Variants in OSBPL3 observed in about 807,000 individuals in gnomAD.
OSBPL3 encodes the protein oxysterol binding protein like 3.
Under a neutral mutation model 120.1 loss-of-function variants are expected in OSBPL3, and 65 were observed. The observed-to-expected ratio is 0.54, with a 90% CI of 0.44 to 0.67. OSBPL3 has a LOEUF of 0.67. OSBPL3 is among the 30% of genes least tolerant of loss of function. OSBPL3 has a pLI of 0.00. For synonymous variants in OSBPL3, 416 were observed against 402.6 expected, an observed-to-expected ratio of 1.03 and a Z score of -0.40; for missense variants, 1,004 against 1,082.1, an observed-to-expected ratio of 0.93 and a Z score of 1.01.
At chr7:24,893,629 T>C (rs572938754) in intron 1 of OSBPL3, among the ~76,000 whole-genome samples, 59 of 151,918 alleles carry the variant, frequency 3.9e-4, no homozygotes, top group Non-Finnish European at 7.1e-4. Context: ...CTGGCCAACA[T>C]GGTGAAACTC....
intron 19 of OSBPL3, 133 bp from the exon 20 acceptor site, chr7:24,810,084 G>A (rs896043185): frequency 7.5e-6 from 7 of 930,382 alleles, no homozygotes; most frequent in Non-Finnish European, 1.1e-5. Flanking sequence ...TGCTAGTTCT[G>A]GGTTCCGTTT....
chr7:24,910,605 C>T (rs1808678118), intron 1 of OSBPL3, among the ~76,000 whole-genome samples: 1 of 152,212 alleles, frequency 6.6e-6, no homozygotes, highest in Non-Finnish European at 1.5e-5. Context: ...AACTAAGTGA[C>T]AGAAACTTAA....
At position 24,871,737 on chromosome 7, in the gene OSBPL3, C is replaced by T; in HGVS notation, c.267+5G>A. ...ATACCACAGTGGGCCCACAAAAAGA[C>T]TTACATCGGTTTGGCTCTTGGCATA... On this transcript the variant is annotated splice_donor_5th_base_variant and intron_variant, in intron 4 of 22. Transcript: ENST00000313367. The surrounding 1 kb of genome is among the most constrained non-coding windows in gnomAD (Gnocchi z 4.8). 3 of 1,610,594 alleles carry T rather than the reference C, an allele frequency of 1.9e-6. No homozygotes were observed. The highest frequency in any genetic ancestry group is 2.5e-6 in the Non-Finnish European group (3 of 1,176,830).
chr7:24,868,037 G>C (rs929214276), intron 5 of OSBPL3, among the ~76,000 whole-genome samples: 1 of 152,058 alleles, frequency 6.6e-6, no homozygotes, highest in African/African-American at 2.4e-5. Context: ...AGTCAATTTT[G>C]GCTGGGCACA....
chr7:24,866,387 C>T, intron 5 of OSBPL3, 150 bp from the exon 6 acceptor site: 1 of 676,430 alleles, frequency 1.5e-6, no homozygotes, highest in South Asian at 1.8e-5. Context: ...CCTGTAATTC[C>T]AGCAATTTGG....
At chr7:24,917,826 C>A (rs576659317) in intron 1 of OSBPL3, 3 of 152,294 alleles carry the variant, frequency 2.0e-5, no homozygotes, top group Non-Finnish European at 4.4e-5. Flanking sequence ...TATGTTGGCA[C>A]ATTAAAGGCT....
intron 2 of OSBPL3, among the ~76,000 whole-genome samples, chr7:24,886,194 A>T (rs933846612): frequency 4.6e-5 from 7 of 152,250 alleles, no homozygotes; most frequent in Non-Finnish European, 8.8e-5. Flanking sequence ...TCTCAAAAGT[A>T]AGCAAAATTA....
chr7:24,836,146 G>A (rs1019661217), intron 14 of OSBPL3, among the ~76,000 whole-genome samples: 1 of 152,040 alleles, frequency 6.6e-6, no homozygotes, highest in Admixed American at 6.6e-5. Context: ...TGAAGAAGCG[G>A]GATTACTATG....
rs1471033133 is a variant in OSBPL3 at position 24,953,532 on chromosome 7, C to T, written c.-150+26354G>A. Among the ~76,000 whole-genome samples, 2 of 152,136 alleles carry T rather than the reference C, an allele frequency of 1.3e-5. No homozygotes were observed. The highest frequency in any genetic ancestry group is 4.8e-5 in the African/African-American group (2 of 41,422). On this transcript the variant is annotated intron_variant, in intron 1 of 22. Coordinates refer to ENST00000313367, the MANE Select transcript of OSBPL3 (RefSeq NM_015550.4). The surrounding 1 kb of genome is among the most constrained non-coding windows in gnomAD (Gnocchi z 4.3). ...TTTATTAATTGAACATTCATTATTA[C>T]TCTCAGTATGAAAACTAAATAGATC...
Position 24,883,593 on chromosome 7 carries a change from G to A in OSBPL3, c.96+8784C>T, listed in dbSNP as rs1460928578. On this transcript the variant is annotated intron_variant, in intron 2 of 22. Coordinates refer to ENST00000313367, the MANE Select transcript of OSBPL3 (RefSeq NM_015550.4). The surrounding 1 kb of genome is among the most constrained non-coding windows in gnomAD (Gnocchi z 5.4). The stretch of plus-strand genomic sequence containing the variant: ...TATTTATTTTCTTAAGGCATCCCAT[G>A]CAGTTTTCATCAAAGTAATATTTCT... Among the ~76,000 whole-genome samples the A allele has an allele frequency of 6.6e-6, 1 of 152,134 alleles. No individual in the cohort carries two copies. Among genetic ancestry groups the A allele is most frequent in the Non-Finnish European group, 1.5e-5 (1 of 68,018 alleles).
At position 24,922,857 on chromosome 7, in the gene OSBPL3, G is replaced by A. The variant is rs761607004; in HGVS notation, c.-149-30236C>T. Among the ~76,000 whole-genome samples the A allele has an allele frequency of 6.6e-6, 1 of 152,076 alleles. No individual in the cohort carries two copies. Among genetic ancestry groups the A allele is most frequent in the Non-Finnish European group, 1.5e-5 (1 of 68,020 alleles). On this transcript the variant is annotated intron_variant, in intron 1 of 22. Transcript: ENST00000313367. The surrounding 1 kb of genome is among the most constrained non-coding windows in gnomAD (Gnocchi z 4.3). ...CCACCCTCTCAGGGAGAACCACAGG[G>A]CTAATTCTGATTCCAAAGCAAGCTT...
chr7:24,881,844 G>A lies in OSBPL3; in HGVS notation c.97-9775C>T, dbSNP rs1255313876. The stretch of plus-strand genomic sequence containing the variant: ...TCATTCCTTGCTTCTCCCTCTGGTG[G>A]CTGCCAGCATTCCATGGCATGGCTT... On this transcript the variant is annotated intron_variant, in intron 2 of 22. Coordinates refer to ENST00000313367, the MANE Select transcript of OSBPL3 (RefSeq NM_015550.4). The surrounding 1 kb of genome is among the most constrained non-coding windows in gnomAD (Gnocchi z 4.3). 1.3e-5 allele frequency among the ~76,000 whole-genome samples: 2 copies of A among 152,134 alleles called. No homozygotes were observed. Among genetic ancestry groups the A allele is most frequent in the African/African-American group, 4.8e-5 (2 of 41,426 alleles).
chr7:24,852,889 T>C lies in OSBPL3; in HGVS notation c.1028-255A>G, dbSNP rs1799340775. ...CTGTAAGAGATGCAGTACTCTGGTG[T>C]GGGATGCTGATGGCGGGGGGACGGT... On this transcript the variant is annotated intron_variant, in intron 10 of 22. Transcript: ENST00000313367. This position sits in a 1 kb window ranked among gnomAD's most constrained non-coding sequence, Gnocchi z 4.1. Among the ~76,000 whole-genome samples the C allele has an allele frequency of 1.3e-5, 2 of 152,046 alleles. No homozygotes were observed. The highest frequency in any genetic ancestry group is 1.3e-4 in the Admixed American group (2 of 15,260).
intron 1 of OSBPL3, among the ~76,000 whole-genome samples, chr7:24,893,193 A>C (rs1247638113): frequency 6.6e-6 from 1 of 152,248 alleles, no homozygotes; most frequent in Non-Finnish European, 1.5e-5. Context: ...TAGCAATGTT[A>C]TTCACAATAG....
In OSBPL3 at chr7:24,940,107, TGAAA is replaced by T. The variant is rs1260476677; in HGVS notation, c.-150+39775_-150+39778del. Among the ~76,000 whole-genome samples the T allele has an allele frequency of 2.6e-5, 4 of 152,132 alleles. No individual in the cohort carries two copies. The highest frequency in any genetic ancestry group is 6.5e-5 in the Admixed American group (1 of 15,288). On this transcript the variant is annotated intron_variant, in intron 1 of 22. Transcript: ENST00000313367. This position sits in a 1 kb window ranked among gnomAD's most constrained non-coding sequence, Gnocchi z 4.4. ...AGTTCAAATGCTGCAAATGAGATTG[TGAAA>T]GAAAGTTATATTCTTGAAGAGCATA...
intron 5 of OSBPL3, among the ~76,000 whole-genome samples, chr7:24,868,693 G>A (rs1029347237): frequency 2.6e-5 from 4 of 152,164 alleles, no homozygotes; most frequent in African/African-American, 9.7e-5. Flanking sequence ...GTCATTTACA[G>A]GAAGAAGCAA....
rs370149455 is a variant in OSBPL3 at position 24,834,440 on chromosome 7, T to A, written c.1746+46A>T. 381 of 1,572,956 alleles carry A rather than the reference T, an allele frequency of 2.4e-4. No individual in the cohort carries two copies. Among genetic ancestry groups the A allele is most frequent in the Non-Finnish European group, 3.0e-4 (348 of 1,159,584 alleles). ...TGGGCCCCGTGAATGGCCTCGTGGC[T>A]TGGGGACCGAGGCTGGACAGTGGCA... On this transcript the variant is annotated intron_variant, in intron 15 of 22. Transcript: ENST00000313367. This position sits in a 1 kb window ranked among gnomAD's most constrained non-coding sequence, Gnocchi z 5.2.
chr7:24,954,739 C>T (rs1052098694), intron 1 of OSBPL3, among the ~76,000 whole-genome samples: 1 of 152,140 alleles, frequency 6.6e-6, no homozygotes, highest in Non-Finnish European at 1.5e-5. Context: ...TTTGCATTGA[C>T]CCTCTCTTTA....
chr7:24,809,723 C>T, intron 20 of OSBPL3, 84 bp downstream of exon 20: 1 of 1,302,848 alleles, frequency 7.7e-7, no homozygotes, highest in Non-Finnish European at 1.1e-6. Flanking sequence ...TGAACAGACA[C>T]TACTCCTGTC....
Sources: gnomAD v4.1 joint callset for allele counts (sites outside exome capture counted in the v4.1 genomes callset) on GRCh38, gnomAD v4.1.1 for gene constraint, Gnocchi (gnomAD v3.1) non-coding constraint, MANE v1.5 for transcripts, NCBI Gene and HGNC (gene_info 2026-07-23, HGNC 2026-07-21) for gene names.